SLC16A3: variants seen among roughly 807,000 people sequenced by gnomAD.
SLC16A3 encodes monocarboxylate transporter 4.
A neutral mutation model predicts 25.0 loss-of-function variants in SLC16A3; 22 were observed. The observed-to-expected ratio is 0.88, with a 90% CI of 0.63 to 1.26. SLC16A3 has a LOEUF of 1.26. Ranked by LOEUF, SLC16A3 falls within the 50% of genes most tolerant of loss-of-function variation. The pLI, the probability that SLC16A3 is intolerant of heterozygous loss-of-function variation, is 0.00. For missense variants in SLC16A3, 731 were observed against 666.6 expected (o/e 1.10, Z -1.06); for synonymous variants, 390 against 309.2 (o/e 1.26, Z -2.74).
upstream of SLC16A3, among the ~76,000 whole-genome samples, chr17:82,226,837 G>A (rs2050425428): frequency 6.6e-6 from 1 of 152,150 alleles, no homozygotes; most frequent in Admixed American, 6.5e-5. Context: ...TCCAGGCTCC[G>A]GGTGAGCTGT....
At position 82,236,147 on chromosome 17, in the gene SLC16A3, A is replaced by G. The variant is rs2050595341; in HGVS notation, c.139A>G (p.Lys47Glu). 1.2e-6 allele frequency: 2 copies of G among 1,613,146 alleles called. No individual in the cohort carries two copies. The highest frequency in any genetic ancestry group is 1.7e-6 in the Non-Finnish European group (2 of 1,179,984). Residue 47 changes from lysine to glutamate, a missense_variant, in exon 2 of 5, where the codon AAG becomes GAG. Physicochemically the swap from Lys to Glu is moderately conservative, Grantham distance 56. Coordinates refer to ENST00000582743, the MANE Select transcript of SLC16A3 (RefSeq NM_004207.4). ...AFPKAVSVFFKELIQEFGIGY... is the reference protein window; with the variant it reads ...AFPKAVSVFFEELIQEFGIGY... ...CCCCAAGGCCGTCAGTGTCTTCTTCAAGGAGCTCATACAGGAGTTTGGGAT... is the reference window on the plus strand; with the variant it reads ...CCCCAAGGCCGTCAGTGTCTTCTTCGAGGAGCTCATACAGGAGTTTGGGAT...
In SLC16A3 at chr17:82,237,875, G is replaced by A. The variant is rs147554801; in HGVS notation, c.1105G>A (p.Val369Ile). ...GCTGATGGAGGCGGTGGCCGTGCTCGTCGGGCCCCCTTCGGGAGGTGAGCG... is the reference window on the plus strand; with the variant it reads ...GCTGATGGAGGCGGTGGCCGTGCTCATCGGGCCCCCTTCGGGAGGTGAGCG... ...VLLMEAVAVL[V>I]GPPSGGKLLD... is the part of the protein sequence containing the mutation. The change falls in exon 4 of 5, where the codon GTC becomes ATC. Residue 369 changes from valine (V) to isoleucine (I), a missense_variant. Transcript: ENST00000582743. 66 of 1,600,166 alleles carry A rather than the reference G, an allele frequency of 4.1e-5. No individual in the cohort carries two copies. The highest frequency in any genetic ancestry group is 2.0e-4 in the Admixed American group (12 of 59,996).
At chr17:82,221,369 T>C (rs2050388082) in intron 1 of SLC16A3, among the ~76,000 whole-genome samples, 2 of 152,052 alleles carry the variant, frequency 1.3e-5, no homozygotes, top group Admixed American at 1.3e-4. Flanking sequence ...AAGACCAGCC[T>C]GGGCAACATG....
intron 1 of SLC16A3, among the ~76,000 whole-genome samples, chr17:82,221,666 C>G (rs1188956473): frequency 6.6e-6 from 1 of 152,154 alleles, no homozygotes; most frequent in East Asian, 1.9e-4. Context: ...AAAAGATACT[C>G]AACATCATTA....
chr17:82,228,264 G>A (rs1186941294), upstream of SLC16A3: 2 of 152,340 alleles, frequency 1.3e-5, no homozygotes, highest in African/African-American at 4.8e-5. Flanking sequence ...ACCTCACGAG[G>A]TCCAGCGGGT....
chr17:82,237,742 C>G lies in SLC16A3; in HGVS notation c.972C>G (p.Phe324Leu). The G allele has an allele frequency of 1.2e-6, 2 of 1,612,170 alleles. No individual in the cohort carries two copies. The highest frequency in any genetic ancestry group is 1.7e-6 in the Non-Finnish European group (2 of 1,179,952). Residue 324 changes from phenylalanine (F) to leucine (L), a missense_variant, in exon 4 of 5, where the codon TTC becomes TTG. Physicochemically the swap from Phe to Leu is conservative, Grantham distance 22. Transcript: ENST00000582743. ...GCGACTACGGCGGCCTCGTGGTCTT[C>G]TGCATCTTCTTTGGCATCTCCTACG... ...TAGDYGGLVV[F>L]CIFFGISYGM...
upstream of SLC16A3, among the ~76,000 whole-genome samples, chr17:82,224,256 C>A (rs1480056665): frequency 1.4e-5 from 1 of 70,288 alleles, no homozygotes; most frequent in African/African-American, 6.3e-5. Context: ...GTGCAGTCAC[C>A]TGTGCAGACA....
In SLC16A3 at chr17:82,239,473, G is replaced by A. The variant is rs1131633; in HGVS notation, c.*497G>A. The A allele has an allele frequency of 0.056, 9,360 of 168,608 alleles. 888 individuals carry two copies. The highest frequency in any genetic ancestry group is 0.21 in the African/African-American group (8,723 of 42,208). The allele number at this position is 168,608 out of a possible 1,614,324, so 10.4% of individuals were successfully genotyped here. On this transcript the variant is annotated 3_prime_UTR_variant, in exon 5 of 5. Transcript: ENST00000582743. ...AAATAAACCTGCGTGTGGGTGGAGT[G>A]TTAGGACCAACGGTTTCCTAGGAGT...
chr17:82,229,782 A>G (rs528251452), intron 1 of SLC16A3: 99 of 152,302 alleles, frequency 6.5e-4, no homozygotes, highest in African/African-American at 2.3e-3. Context: ...CAGTTTCCCT[A>G]TACGAAAAGT....
At chr17:82,223,383 G>A (rs1324146422) in intron 1 of SLC16A3, among the ~76,000 whole-genome samples, 1 of 152,048 alleles carries the variant, frequency 6.6e-6, no homozygotes, top group African/African-American at 2.4e-5. Flanking sequence ...GGCCAGGCTG[G>A]TCACCCTATT....
upstream of SLC16A3, among the ~76,000 whole-genome samples, chr17:82,225,236 C>A (rs1031315570): frequency 6.6e-6 from 1 of 151,954 alleles, no homozygotes; most frequent in Admixed American, 6.6e-5. Context: ...CACTCCAGCC[C>A]GGTGACAGAG....
In SLC16A3 at chr17:82,236,167, T is replaced by C. The variant is rs778413595; in HGVS notation, c.159T>C (p.Phe53=). ...TCTTCAAGGAGCTCATACAGGAGTT[T>C]GGGATCGGCTACAGCGACACAGCCT... is the stretch of plus-strand genomic sequence containing the variant. The part of the protein sequence containing the change: ...SVFFKELIQE[F]GIGYSDTAWI... The change falls in exon 2 of 5, where the codon TTT becomes TTC. Residue 53 remains phenylalanine, a synonymous_variant. Transcript: ENST00000582743. 3.1e-6 allele frequency: 5 copies of C among 1,613,232 alleles called. No homozygotes were observed. Among genetic ancestry groups the C allele is most frequent in the Admixed American group, 3.3e-5 (2 of 60,030 alleles).
At chr17:82,236,647 G>A (rs1454478603) in intron 2 of SLC16A3, 82 bp from the exon 3 acceptor site, 10 of 1,541,656 alleles carry the variant, frequency 6.5e-6, no homozygotes, top group South Asian at 1.2e-5. Context: ...AGGGGAGGCC[G>A]GCTCCAGGCT....
chr17:82,222,302 T>C (rs8064935), intron 1 of SLC16A3, among the ~76,000 whole-genome samples: 56,037 of 125,956 alleles, frequency 0.44, 13,378 homozygotes, highest in East Asian at 0.87. Context: ...TGGAGACGAG[T>C]GTCGCCCTGG....
At chr17:82,222,700 G>T (rs899109742) in intron 1 of SLC16A3, among the ~76,000 whole-genome samples, 3 of 151,898 alleles carry the variant, frequency 2.0e-5, no homozygotes, top group Non-Finnish European at 4.4e-5. Context: ...CTACTCGGGA[G>T]GCTGAGGCAG....
At chr17:82,232,174 GC>G (rs1173542629) in intron 1 of SLC16A3, 3 of 152,264 alleles carry the variant, frequency 2.0e-5, no homozygotes, top group Non-Finnish European at 2.9e-5. Context: ...CCCTTTTCCT[GC>G]CCCGCCTCCT....
chr17:82,226,536 C>T (rs1005309716), upstream of SLC16A3, among the ~76,000 whole-genome samples: 1 of 152,170 alleles, frequency 6.6e-6, no homozygotes, highest in Non-Finnish European at 1.5e-5. Flanking sequence ...ATCGCTGTCT[C>T]TGACACATCC....
intron 1 of SLC16A3, chr17:82,234,713 A>C (rs907905262): frequency 1.3e-5 from 2 of 152,324 alleles, no homozygotes; most frequent in African/African-American, 4.8e-5. Flanking sequence ...CTCTCCCAGC[A>C]AAGGTCCTGG....
intron 1 of SLC16A3, chr17:82,234,118 G>A (rs113100374): frequency 3.3e-5 from 5 of 152,274 alleles, no homozygotes; most frequent in Non-Finnish European, 5.9e-5. Flanking sequence ...GGGATTACAG[G>A]CGTGAGCCAC....
Sources: gnomAD v4.1 joint callset for allele counts (sites outside exome capture counted in the v4.1 genomes callset) on GRCh38, gnomAD v4.1.1 for gene constraint, MANE v1.5 for transcripts, NCBI Gene and HGNC (gene_info 2026-07-23, HGNC 2026-07-21) for gene names.